LSAMP: variants seen among roughly 807,000 people sequenced by gnomAD.
The protein encoded by LSAMP is limbic system-associated membrane protein.
A neutral mutation model predicts 38.6 loss-of-function variants in LSAMP; 7 were observed. That is an observed-to-expected ratio of 0.18 (90% CI 0.10 to 0.34). LSAMP has a LOEUF of 0.34. Among genes scored for constraint, LSAMP ranks in the 10% least tolerant of loss-of-function variants. LSAMP has a pLI of 1.00. For synonymous variants in LSAMP, 154 were observed against 166.8 expected (o/e 0.92, Z 0.59); for missense variants, 313 against 420.0 (o/e 0.75, Z 2.23).
chr3:115,924,487 G>A (rs1937454574), intron 3 of LSAMP, among the ~76,000 whole-genome samples: 1 of 152,144 alleles, frequency 6.6e-6, no homozygotes, highest in Admixed American at 6.5e-5. Context: ...CTTAAATATT[G>A]TCCAAATGTT....
chr3:116,437,969 C>T (rs1040176139), intron 1 of LSAMP, among the ~76,000 whole-genome samples: 2 of 146,894 alleles, frequency 1.4e-5, no homozygotes, highest in Admixed American at 1.4e-4. Flanking sequence ...GGTTTTCCTA[C>T]AGTAATTAAC....
intron 3 of LSAMP, among the ~76,000 whole-genome samples, chr3:115,981,802 C>G (rs894534536): frequency 6.6e-6 from 1 of 152,166 alleles, no homozygotes; most frequent in African/African-American, 2.4e-5. Context: ...ATCAAGGGCC[C>G]TTGTTTCCTT....
chr3:116,099,472 C>T (rs1708295987), intron 1 of LSAMP, among the ~76,000 whole-genome samples: 1 of 152,148 alleles, frequency 6.6e-6, no homozygotes, highest in African/African-American at 2.4e-5. Flanking sequence ...GACTTCCTGA[C>T]ACAGCACCAG....
At chr3:116,004,712 T>A (rs1940107362) in intron 3 of LSAMP, among the ~76,000 whole-genome samples, 1 of 152,066 alleles carries the variant, frequency 6.6e-6, no homozygotes, top group Non-Finnish European at 1.5e-5. Flanking sequence ...TTTGATTGAT[T>A]TCTTATGAAA....
Position 116,390,295 on chromosome 3 carries a change from T to C in LSAMP, c.155+54582A>G, listed in dbSNP as rs147624698. 3.1e-3 allele frequency among the ~76,000 whole-genome samples: 471 copies of C among 152,230 alleles called. 5 individuals are homozygous for C. Among genetic ancestry groups the C allele is most frequent in the South Asian group, 0.013 (65 of 4,830 alleles). On this transcript the variant is annotated intron_variant, in intron 1 of 6. Coordinates refer to ENST00000490035, the MANE Select transcript of LSAMP (RefSeq NM_002338.5). ...TGTAAGCAGTGGGATATGTTTCACT[T>C]TGGAGACTAAAGGTGCCATAGTTTC...
Position 116,214,082 on chromosome 3 carries a change from T to C in LSAMP, c.156-127526A>G, listed in dbSNP as rs115106352. Among the ~76,000 whole-genome samples the C allele has an allele frequency of 4.7e-4, 72 of 152,322 alleles. 1 individual carries two copies. The highest frequency in any genetic ancestry group is 1.7e-3 in the African/African-American group (70 of 41,576). On this transcript the variant is annotated intron_variant, in intron 1 of 6. Transcript: ENST00000490035. ...GTTCTTATCACAATAAAATGATTTT[T>C]AAAAAATTTATGGGATATTTAAAAG...
chr3:116,012,952 T>C (rs11918675), intron 3 of LSAMP, among the ~76,000 whole-genome samples: 4,183 of 152,220 alleles, frequency 0.027, 146 homozygotes, highest in African/African-American at 0.083. Flanking sequence ...CAAAAAGTAT[T>C]TGAAGGAGTG....
intron 1 of LSAMP, among the ~76,000 whole-genome samples, chr3:116,147,706 C>CA (rs1193779767): frequency 1.3e-5 from 2 of 151,804 alleles, no homozygotes; most frequent in East Asian, 3.9e-4. Context: ...CTTGATCTTT[C>CA]AAAAAATCCC....
At chr3:116,203,111 GT>G (rs2046010446) in intron 1 of LSAMP, among the ~76,000 whole-genome samples, 1 of 152,234 alleles carries the variant, frequency 6.6e-6, no homozygotes, top group African/African-American at 2.4e-5. Context: ...CAATCTTCAT[GT>G]CTTTTATTTT....
intron 1 of LSAMP, among the ~76,000 whole-genome samples, chr3:116,087,616 G>A (rs1446646794): frequency 6.6e-6 from 1 of 152,184 alleles, no homozygotes. Context: ...TGAACAGAAA[G>A]AGCCACGAGC....
intron 1 of LSAMP, among the ~76,000 whole-genome samples, chr3:116,306,439 T>A (rs1305192902): frequency 6.6e-6 from 1 of 152,062 alleles, no homozygotes; most frequent in African/African-American, 2.4e-5. Flanking sequence ...AGTGCATACC[T>A]AGTGTTTCTG....
Position 116,253,950 on chromosome 3 carries a change from C to A in LSAMP, c.156-167394G>T, listed in dbSNP as rs183496282. Among the ~76,000 whole-genome samples, 30 of 152,146 alleles carry A rather than the reference C, an allele frequency of 2.0e-4. No homozygotes were observed. The East Asian group carries it at 5.6e-3, about 29-fold the overall frequency. On this transcript the variant is annotated intron_variant, in intron 1 of 6. Coordinates refer to ENST00000490035, the MANE Select transcript of LSAMP (RefSeq NM_002338.5). ...CATCAAGTTCTTCCCAATTTAAATA[C>A]CATGTGCTTCTTCACATTATTTCCT...
chr3:116,441,736 A>G (rs935448398), intron 1 of LSAMP, among the ~76,000 whole-genome samples: 3 of 152,164 alleles, frequency 2.0e-5, no homozygotes, highest in African/African-American at 7.2e-5. Context: ...TTAGAAAAGC[A>G]CCTGAGGCAG....
intron 1 of LSAMP, among the ~76,000 whole-genome samples, chr3:116,143,993 A>T (rs1433936823): frequency 1.3e-5 from 2 of 152,002 alleles, no homozygotes; most frequent in Admixed American, 1.3e-4. Flanking sequence ...AAGTCTAAAT[A>T]TTCCAAGTTT....
At chr3:116,185,346 T>C (rs1234203714) in intron 1 of LSAMP, among the ~76,000 whole-genome samples, 1 of 152,066 alleles carries the variant, frequency 6.6e-6, no homozygotes, top group Non-Finnish European at 1.5e-5. Flanking sequence ...CTCTTAACCC[T>C]GAATATTGAT....
intron 3 of LSAMP, among the ~76,000 whole-genome samples, chr3:115,967,332 G>A (rs1407559314): frequency 1.3e-5 from 2 of 152,148 alleles, no homozygotes; most frequent in Non-Finnish European, 2.9e-5. Context: ...TTCCCAAGAA[G>A]TTCCTTATCT....
intron 2 of LSAMP, among the ~76,000 whole-genome samples, chr3:116,027,528 A>ATTTT (rs964795752): frequency 6.6e-6 from 1 of 152,104 alleles, no homozygotes; most frequent in African/African-American, 2.4e-5. Context: ...AAGAATCCTA[A>ATTTT]TTTTTGCAAA....
At chr3:115,911,670 ACT>A (rs2107505871) in intron 3 of LSAMP, among the ~76,000 whole-genome samples, 1 of 152,172 alleles carries the variant, frequency 6.6e-6, no homozygotes, top group Admixed American at 6.5e-5. Context: ...TGTGACCATA[ACT>A]CTCTCATTTA....
chr3:115,879,976 A>C (rs1936281112), intron 3 of LSAMP, among the ~76,000 whole-genome samples: 1 of 152,174 alleles, frequency 6.6e-6, no homozygotes, highest in Admixed American at 6.6e-5. Flanking sequence ...CATTGAAAAA[A>C]ATTCTAATTA....
Sources: allele counts gnomAD v4.1 joint callset (sites outside exome capture counted in the v4.1 genomes callset), GRCh38; gene constraint gnomAD v4.1.1; transcripts MANE v1.5; gene names NCBI Gene and HGNC (gene_info 2026-07-23, HGNC 2026-07-21).